NRG1: variants seen among roughly 807,000 people sequenced by gnomAD.
NRG1 encodes pro-neuregulin-1, membrane-bound isoform.
NRG1 carries 18 observed loss-of-function variants against 63.8 expected under a neutral mutation model. That is an observed-to-expected ratio of 0.28 (90% CI 0.19 to 0.42). The LOEUF (loss-of-function observed/expected upper bound fraction) is 0.42, where lower values mean the gene tolerates loss of function less well. Ranked by LOEUF, NRG1 falls within the 10% of genes least tolerant of loss-of-function variation. The probability of loss-of-function intolerance (pLI) is 1.00; values close to 1 mark genes in which losing one functional copy is unlikely to be tolerated. For missense variants in NRG1, 762 were observed against 814.7 expected (o/e 0.94, Z 0.79); for synonymous variants, 302 against 301.3 (o/e 1.00, Z -0.02).
intron 1 of NRG1, among the ~76,000 whole-genome samples, chr8:32,113,430 C>A (rs1002639170): frequency 7.9e-5 from 12 of 152,278 alleles, no homozygotes; most frequent in African/African-American, 2.4e-4. Context: ...CTAGTCAGTT[C>A]TCTGCAGGCA....
rs575191552 is a variant in NRG1 at position 31,706,585 on chromosome 8, G to T, written c.37+67154G>T. Among the ~76,000 whole-genome samples the T allele has an allele frequency of 3.2e-4, 49 of 152,256 alleles. 1 individual carries two copies. Among genetic ancestry groups the T allele is most frequent in the African/African-American group, 1.0e-3 (43 of 41,560 alleles). ...CCAGTATTGGAATTGCTAGGTTAGA[G>T]TACAAGTTTATGAATGTTGATCAGC... On this transcript the variant is annotated intron_variant, in intron 1 of 10. Coordinates refer to the NRG1 transcript ENST00000519301.
intron 1 of NRG1, among the ~76,000 whole-genome samples, chr8:32,541,750 AATAAAT>A (rs1832595588): frequency 6.6e-6 from 1 of 152,206 alleles, no homozygotes. Flanking sequence ...TTGGCTGTAT[AATAAAT>A]ATTCACAGAA....
At chr8:31,669,785 A>G (rs932491135) in intron 1 of NRG1, among the ~76,000 whole-genome samples, 2 of 152,198 alleles carry the variant, frequency 1.3e-5, no homozygotes, top group African/African-American at 4.8e-5. Flanking sequence ...AAGATATATC[A>G]CAGATGAAGG....
chr8:31,862,131 A>G (rs1325550112), intron 1 of NRG1, among the ~76,000 whole-genome samples: 1 of 152,200 alleles, frequency 6.6e-6, no homozygotes, highest in East Asian at 1.9e-4. Flanking sequence ...TTTAAAAAAC[A>G]TGGATTTTTT....
At chr8:32,332,412 A>G (rs762680457) in intron 1 of NRG1, among the ~76,000 whole-genome samples, 20 of 151,886 alleles carry the variant, frequency 1.3e-4, no homozygotes, top group Middle Eastern at 3.4e-3. Context: ...AGTTTCCCTG[A>G]CCCCCTTCTT....
At chr8:32,077,164 C>T (rs7836317) in intron 1 of NRG1, among the ~76,000 whole-genome samples, 147,980 of 152,270 alleles carry the variant, frequency 0.97, 72,051 homozygotes, top group East Asian at 1. Flanking sequence ...TTCAGGAGTT[C>T]GAGACCAGCC....
intron 1 of NRG1, among the ~76,000 whole-genome samples, chr8:32,477,499 G>A (rs1308968971): frequency 2.0e-5 from 3 of 152,148 alleles, no homozygotes; most frequent in Non-Finnish European, 1.5e-5. Context: ...TTAATGTCAC[G>A]AATCAGATGA....
intron 1 of NRG1, among the ~76,000 whole-genome samples, chr8:31,849,898 A>G (rs1331014745): frequency 6.6e-6 from 1 of 152,192 alleles, no homozygotes; most frequent in Non-Finnish European, 1.5e-5. Context: ...GTTGGGGGGA[A>G]ATTTTGCTTT....
At chr8:31,850,522 T>C (rs77020692) in intron 1 of NRG1, among the ~76,000 whole-genome samples, 2,611 of 152,304 alleles carry the variant, frequency 0.017, 75 homozygotes, top group African/African-American at 0.059. Flanking sequence ...GCTACACAAA[T>C]GGATGTCTCT....
chr8:32,088,653 G>C (rs1474312493), intron 1 of NRG1, among the ~76,000 whole-genome samples: 1 of 151,926 alleles, frequency 6.6e-6, no homozygotes, highest in Non-Finnish European at 1.5e-5. Flanking sequence ...GAGTACCTGG[G>C]ACTACAGGTG....
chr8:32,219,656 A>T (rs1845606290), intron 1 of NRG1, among the ~76,000 whole-genome samples: 1 of 152,242 alleles, frequency 6.6e-6, no homozygotes, highest in Non-Finnish European at 1.5e-5. Flanking sequence ...TGAAAGAATT[A>T]TGATCTAAAT....
intron 1 of NRG1, among the ~76,000 whole-genome samples, chr8:31,903,827 C>T (rs1353986713): frequency 5.9e-5 from 9 of 151,880 alleles, no homozygotes; most frequent in East Asian, 3.9e-4. Context: ...TGGTGATGTG[C>T]GCCTGTAATC....
At chr8:31,642,205 C>T (rs1377238396) in intron 1 of NRG1, among the ~76,000 whole-genome samples, 11 of 152,164 alleles carry the variant, frequency 7.2e-5, no homozygotes, top group Admixed American at 6.5e-4. Flanking sequence ...TCAGCACCAT[C>T]GTACTGCAGC....
At chr8:32,092,331 C>G (rs1829283536) in intron 1 of NRG1, among the ~76,000 whole-genome samples, 3 of 151,560 alleles carry the variant, frequency 2.0e-5, no homozygotes, top group Admixed American at 2.0e-4. Flanking sequence ...GTGGTGTGTG[C>G]TTGTAGTAAC....
At chr8:32,521,437 G>A (rs900812579) in intron 1 of NRG1, among the ~76,000 whole-genome samples, 4 of 152,082 alleles carry the variant, frequency 2.6e-5, no homozygotes, top group South Asian at 2.1e-4. Flanking sequence ...GAACTGGCTC[G>A]TGATGCAACA....
chr8:32,216,040 C>CA (rs113133570), intron 1 of NRG1, among the ~76,000 whole-genome samples: 4,760 of 122,686 alleles, frequency 0.039, 115 homozygotes, highest in African/African-American at 0.072. Flanking sequence ...GACTCTGTCT[C>CA]AAAAAAAAAA....
At chr8:32,202,274 C>T (rs2132303949) in intron 1 of NRG1, among the ~76,000 whole-genome samples, 1 of 152,274 alleles carries the variant, frequency 6.6e-6, no homozygotes, top group East Asian at 1.9e-4. Context: ...TTCAAAATGT[C>T]CTAGTGAAAC....
At chr8:31,724,586 T>C (rs1258489249) in intron 1 of NRG1, among the ~76,000 whole-genome samples, 1 of 150,858 alleles carries the variant, frequency 6.6e-6, no homozygotes, top group Non-Finnish European at 1.5e-5. Flanking sequence ...GGTTGTTGTA[T>C]TGAGAAATGA....
At chr8:32,460,261 C>T (rs745567446) in intron 1 of NRG1, among the ~76,000 whole-genome samples, 9 of 152,190 alleles carry the variant, frequency 5.9e-5, no homozygotes, top group Non-Finnish European at 1.3e-4. Context: ...ATTAATGACA[C>T]TTTGTGGACT....
Sources: allele counts gnomAD v4.1 joint callset (sites outside exome capture counted in the v4.1 genomes callset), GRCh38; gene constraint gnomAD v4.1.1; transcripts MANE v1.5; gene names NCBI Gene and HGNC (gene_info 2026-07-23, HGNC 2026-07-21).